Variants in ADAMTSL3 observed in about 807,000 individuals in gnomAD.
The protein encoded by ADAMTSL3 is ADAMTS like 3.
A neutral mutation model predicts 201.7 loss-of-function variants in ADAMTSL3; 128 were observed. That is an observed-to-expected ratio of 0.63 (90% confidence interval 0.55 to 0.73). ADAMTSL3 has a LOEUF of 0.73. ADAMTSL3 is among the 30% of genes least tolerant of loss of function. The pLI, the probability that ADAMTSL3 is intolerant of heterozygous loss-of-function variation, is 0.00. For synonymous variants in ADAMTSL3, 738 were observed against 748.4 expected, an observed-to-expected ratio of 0.99 and a Z score of 0.23; for missense variants, 1,990 against 2,119.6, an observed-to-expected ratio of 0.94 and a Z score of 1.20.
intron 6 of ADAMTSL3, among the ~76,000 whole-genome samples, chr15:83,834,600 G>A (rs949548497): frequency 9.8e-5 from 15 of 152,302 alleles, no homozygotes; most frequent in African/African-American, 3.6e-4. Context: ...AGCTGATTAG[G>A]AAATCATATG....
chr15:83,912,996 T>A, intron 15 of ADAMTSL3, 96 bp from the exon 16 acceptor site: 1 of 1,343,636 alleles, frequency 7.4e-7, no homozygotes, highest in South Asian at 1.4e-5. Context: ...TGAAGCTGGT[T>A]ATTTTTGCCT....
intron 3 of ADAMTSL3, among the ~76,000 whole-genome samples, chr15:83,709,940 T>C (rs2562775): frequency 0.2 from 30,337 of 151,968 alleles, 3,956 homozygotes; most frequent in Middle Eastern, 0.37. Context: ...ATGCACACTT[T>C]CCTATGTTTT....
At chr15:83,957,887 G>A (rs2066890669) in intron 19 of ADAMTSL3, among the ~76,000 whole-genome samples, 1 of 152,176 alleles carries the variant, frequency 6.6e-6, no homozygotes, top group Admixed American at 6.5e-5. Flanking sequence ...GTATATTATT[G>A]ACAGTAGTCC....
At chr15:83,708,222 T>C (rs1442252647) in intron 3 of ADAMTSL3, among the ~76,000 whole-genome samples, 1 of 152,220 alleles carries the variant, frequency 6.6e-6, no homozygotes. Context: ...GGGTCAGATG[T>C]GGGTTCACTA....
At chr15:83,670,122 G>A (rs187728564) in intron 2 of ADAMTSL3, among the ~76,000 whole-genome samples, 22 of 151,826 alleles carry the variant, frequency 1.4e-4, no homozygotes, top group Non-Finnish European at 2.6e-4. Flanking sequence ...GCCAAGCTTG[G>A]TGGTGCACGC....
At position 83,706,649 on chromosome 15, in the gene ADAMTSL3, C is replaced by CT. The variant is rs1035746875; in HGVS notation, c.189+2150dup. On this transcript the variant is annotated intron_variant, in intron 3 of 29. Coordinates refer to ENST00000286744, the MANE Select transcript of ADAMTSL3 (RefSeq NM_207517.3). ...GATTCTCTTTCCTCTTTTTTCTTTT[C>CT]TTTTTTTTTGAGATTGGGTCTTGTT... Among the ~76,000 whole-genome samples the CT allele has an allele frequency of 5.5e-4, 83 of 151,046 alleles. No individual in the cohort carries two copies. In the Middle Eastern group the frequency reaches 0.01, roughly 19 times the overall value.
intron 15 of ADAMTSL3, among the ~76,000 whole-genome samples, chr15:83,909,122 AC>A (rs1373855408): frequency 6.6e-6 from 1 of 152,204 alleles, no homozygotes; most frequent in African/African-American, 2.4e-5. Flanking sequence ...TAGTCTACTT[AC>A]ATTTCTGACT....
chr15:83,960,524 G>A (rs1217906361), intron 19 of ADAMTSL3, among the ~76,000 whole-genome samples: 1 of 152,112 alleles, frequency 6.6e-6, no homozygotes, highest in Non-Finnish European at 1.5e-5. Flanking sequence ...AAAAACTGAG[G>A]ATGTCCCTTG....
intron 7 of ADAMTSL3, among the ~76,000 whole-genome samples, chr15:83,847,701 G>T (rs2064528784): frequency 6.6e-6 from 1 of 151,964 alleles, no homozygotes; most frequent in Non-Finnish European, 1.5e-5. Context: ...CACCATGTTG[G>T]TCAGGCTGGT....
chr15:83,811,936 C>T (rs1254237798), intron 5 of ADAMTSL3, among the ~76,000 whole-genome samples: 2 of 152,174 alleles, frequency 1.3e-5, no homozygotes, highest in Non-Finnish European at 2.9e-5. Context: ...GCTGTGCACG[C>T]CCAAGCTGTG....
At chr15:83,789,371 T>G (rs1162181176) in intron 4 of ADAMTSL3, among the ~76,000 whole-genome samples, 2 of 152,194 alleles carry the variant, frequency 1.3e-5, no homozygotes, top group Non-Finnish European at 2.9e-5. Context: ...GAATAGACAT[T>G]TGGGAGGAAA....
chr15:83,692,844 T>C (rs920451374), intron 2 of ADAMTSL3, among the ~76,000 whole-genome samples: 1 of 152,164 alleles, frequency 6.6e-6, no homozygotes, highest in African/African-American at 2.4e-5. Flanking sequence ...TCGGAGTATG[T>C]GCAAAAAGCA....
intron 2 of ADAMTSL3, among the ~76,000 whole-genome samples, chr15:83,668,769 T>G (rs532242512): frequency 6.6e-6 from 1 of 152,182 alleles, no homozygotes; most frequent in South Asian, 2.1e-4. Flanking sequence ...TTTTAAAAAT[T>G]TGTGTGCATC....
chr15:83,680,660 TG>T (rs932712125), intron 2 of ADAMTSL3, among the ~76,000 whole-genome samples: 1 of 152,040 alleles, frequency 6.6e-6, no homozygotes, highest in Non-Finnish European at 1.5e-5. Context: ...TTATAATTTT[TG>T]TGTTTTCCTT....
chr15:83,858,614 C>G, intron 7 of ADAMTSL3, 152 bp from the exon 8 acceptor site: 1 of 558,734 alleles, frequency 1.8e-6, no homozygotes, highest in Non-Finnish European at 3.1e-6. Flanking sequence ...CTCAAGTGAT[C>G]TGCCTGCCTT....
intron 27 of ADAMTSL3, 38 bp from the exon 28 acceptor site, chr15:84,031,297 T>C (rs1422135240): frequency 1.9e-6 from 3 of 1,586,354 alleles, no homozygotes; most frequent in East Asian, 4.5e-5. Flanking sequence ...ATGGATGAGC[T>C]TGCAGGATTT....
At chr15:83,838,666 A>G (rs2064321729) in intron 7 of ADAMTSL3, among the ~76,000 whole-genome samples, 1 of 152,188 alleles carries the variant, frequency 6.6e-6, no homozygotes, top group South Asian at 2.1e-4. Flanking sequence ...TATATCACCA[A>G]TACTAACATT....
intron 25 of ADAMTSL3, among the ~76,000 whole-genome samples, chr15:84,018,187 C>T (rs758022855): frequency 1.1e-4 from 16 of 152,224 alleles, no homozygotes; most frequent in Non-Finnish European, 2.1e-4. Flanking sequence ...GGACTACTTG[C>T]ATTGTTCTGC....
intron 2 of ADAMTSL3, among the ~76,000 whole-genome samples, chr15:83,674,895 C>T (rs2061382137): frequency 6.6e-6 from 1 of 150,684 alleles, no homozygotes; most frequent in South Asian, 2.1e-4. Context: ...TGAATATGGT[C>T]TGTCTCTTCA....
Sources: allele counts gnomAD v4.1 joint callset (sites outside exome capture counted in the v4.1 genomes callset), GRCh38; gene constraint gnomAD v4.1.1; transcripts MANE v1.5; gene names NCBI Gene and HGNC (gene_info 2026-07-23, HGNC 2026-07-21).